RAB38: variants seen among roughly 807,000 people sequenced by gnomAD.
RAB38 encodes the protein RAB38, member RAS oncogene family.
Under a neutral mutation model 18.4 loss-of-function variants are expected in RAB38, and 15 were observed. The observed-to-expected ratio is 0.82, with a 90% CI of 0.55 to 1.26. RAB38 has a LOEUF of 1.26. RAB38 is among the 50% of genes most tolerant of loss of function. The pLI, the probability that RAB38 is intolerant of heterozygous loss-of-function variation, is 0.00. For synonymous variants in RAB38, 101 were observed against 104.4 expected, an observed-to-expected ratio of 0.97 and a Z score of 0.20; for missense variants, 294 against 267.4, an observed-to-expected ratio of 1.10 and a Z score of -0.69.
At chr11:87,952,667 G>A in the RAB38 span, among the ~76,000 whole-genome samples, 13 of 152,238 alleles carry the variant, frequency 8.5e-5, no homozygotes, top group South Asian at 2.1e-4. Context: ...GCATGGTTTC[G>A]GACATGGTCA....
chr11:88,007,992 C>T, the RAB38 span, among the ~76,000 whole-genome samples: 4 of 151,952 alleles, frequency 2.6e-5, no homozygotes, highest in Non-Finnish European at 4.4e-5. Context: ...GAGATCATAA[C>T]GTATGTTTCC....
At chr11:87,872,588 C>T in the RAB38 span, among the ~76,000 whole-genome samples, 51 of 151,664 alleles carry the variant, frequency 3.4e-4, no homozygotes, top group African/African-American at 1.2e-3. Flanking sequence ...ATCCCCTGTG[C>T]TATACCTATT....
At chr11:87,938,606 G>A in the RAB38 span, among the ~76,000 whole-genome samples, 1 of 125,500 alleles carries the variant, frequency 8.0e-6, no homozygotes, top group Non-Finnish European at 1.7e-5. Flanking sequence ...TTTCTTCTCT[G>A]TTGCTCTTTT....
chr11:87,938,869 A>G, the RAB38 span, among the ~76,000 whole-genome samples: 1 of 151,798 alleles, frequency 6.6e-6, no homozygotes, highest in African/African-American at 2.4e-5. Context: ...CTTTCAGAGT[A>G]TTACTATATT....
chr11:87,920,363 A>T, the RAB38 span, among the ~76,000 whole-genome samples: 1 of 151,964 alleles, frequency 6.6e-6, no homozygotes, highest in Non-Finnish European at 1.5e-5. Context: ...TCAAGATTAA[A>T]AAAAATTCTC....
the RAB38 span, among the ~76,000 whole-genome samples, chr11:87,971,604 T>C: frequency 2.6e-5 from 4 of 152,094 alleles, no homozygotes; most frequent in Non-Finnish European, 5.9e-5. Context: ...TTTAAGGCCA[T>C]TGGACGCTAA....
At chr11:88,008,318 C>T in the RAB38 span, among the ~76,000 whole-genome samples, 96,337 of 151,828 alleles carry the variant, frequency 0.63, 30,753 homozygotes, top group East Asian at 0.73. Flanking sequence ...GACCAAAAAT[C>T]GAGACAATAA....
At chr11:87,859,716 T>A in the RAB38 span, among the ~76,000 whole-genome samples, 1 of 152,028 alleles carries the variant, frequency 6.6e-6, no homozygotes, top group African/African-American at 2.4e-5. Flanking sequence ...CTTGTTGGCA[T>A]CAGAAACATC....
the RAB38 span, among the ~76,000 whole-genome samples, chr11:87,808,537 G>T: frequency 6.6e-6 from 1 of 152,142 alleles, no homozygotes; most frequent in African/African-American, 2.4e-5. Flanking sequence ...ACCAGGAGTG[G>T]ACGTGATGGT....
the RAB38 span, among the ~76,000 whole-genome samples, chr11:87,849,418 C>A: frequency 6.6e-6 from 1 of 152,152 alleles, no homozygotes; most frequent in Non-Finnish European, 1.5e-5. Flanking sequence ...GCGCTGACTG[C>A]TCCATTCACA....
the RAB38 span, among the ~76,000 whole-genome samples, chr11:88,058,414 A>G: frequency 6.6e-6 from 1 of 152,296 alleles, no homozygotes; most frequent in African/African-American, 2.4e-5. Flanking sequence ...TTGAGAATCT[A>G]CTTCCTGAAG....
the RAB38 span, among the ~76,000 whole-genome samples, chr11:87,868,015 C>G: frequency 6.6e-6 from 1 of 151,642 alleles, no homozygotes; most frequent in Non-Finnish European, 1.5e-5. Flanking sequence ...GTTGATATGT[C>G]AAGATTGATA....
the RAB38 span, among the ~76,000 whole-genome samples, chr11:87,881,704 A>C: frequency 6.9e-6 from 1 of 143,914 alleles, no homozygotes; most frequent in African/African-American, 2.8e-5. Flanking sequence ...AGTTCTTTTT[A>C]GCCACTAAGT....
chr11:88,089,560 C>T, the RAB38 span, among the ~76,000 whole-genome samples: 1 of 151,942 alleles, frequency 6.6e-6, no homozygotes, highest in Non-Finnish European at 1.5e-5. Context: ...TAAGGTATTT[C>T]TCTAACCTTG....
the RAB38 span, among the ~76,000 whole-genome samples, chr11:87,834,445 C>T: frequency 7.1e-4 from 108 of 152,212 alleles, no homozygotes; most frequent in Non-Finnish European, 1.2e-3. Flanking sequence ...TAAGCTACAG[C>T]GTTTGTTTTG....
At chr11:88,164,629 G>A (rs1042741243) in intron 1 of RAB38, among the ~76,000 whole-genome samples, 10 of 142,894 alleles carry the variant, frequency 7.0e-5, no homozygotes, top group South Asian at 4.4e-4. Context: ...TAATTTATGC[G>A]TTCTCTTTTT....
the RAB38 span, among the ~76,000 whole-genome samples, chr11:87,873,499 T>C: frequency 6.6e-6 from 1 of 151,666 alleles, no homozygotes; most frequent in Middle Eastern, 3.4e-3. Flanking sequence ...ATTATGCCAC[T>C]GGTGTTGTAT....
the RAB38 span, among the ~76,000 whole-genome samples, chr11:87,857,473 C>A: frequency 2.0e-5 from 3 of 152,182 alleles, no homozygotes; most frequent in Non-Finnish European, 4.4e-5. Context: ...AGTTTACAGT[C>A]CCACCAACAG....
the RAB38 span, among the ~76,000 whole-genome samples, chr11:88,095,510 A>C: frequency 3.9e-5 from 6 of 151,962 alleles, no homozygotes; most frequent in Admixed American, 1.3e-4. Flanking sequence ...TACTCCTTTC[A>C]TTCTTCTATG....
Sources: gnomAD v4.1 joint callset for allele counts (sites outside exome capture counted in the v4.1 genomes callset) on GRCh38, gnomAD v4.1.1 for gene constraint, MANE v1.5 for transcripts, NCBI Gene and HGNC (gene_info 2026-07-23, HGNC 2026-07-21) for gene names.